Variants in PDIA6 observed in about 807,000 individuals in gnomAD.
The protein encoded by PDIA6 is protein disulfide isomerase family A member 6.
In PDIA6, 29 loss-of-function variants were observed where a neutral mutation model predicts 58.4. The observed-to-expected ratio is 0.50, with a 90% CI of 0.37 to 0.68. The LOEUF (loss-of-function observed/expected upper bound fraction) is 0.68, where lower values mean the gene tolerates loss of function less well. PDIA6 is among the 30% of genes least tolerant of loss of function. The probability of loss-of-function intolerance (pLI) is 0.00; values close to 1 mark genes in which losing one functional copy is unlikely to be tolerated. For missense variants in PDIA6, 480 were observed against 551.0 expected, an observed-to-expected ratio of 0.87 and a Z score of 1.29; for synonymous variants, 192 against 202.6, an observed-to-expected ratio of 0.95 and a Z score of 0.44.
intron 1 of PDIA6, among the ~76,000 whole-genome samples, chr2:10,821,769 C>T (rs1160955918): frequency 2.6e-5 from 4 of 151,792 alleles, no homozygotes; most frequent in South Asian, 2.1e-4. Flanking sequence ...TGACCACAGG[C>T]ACATGCTGCT....
chr2:10,834,717 C>CCTTCCTT (rs1667787530), upstream of PDIA6, among the ~76,000 whole-genome samples: 1 of 49,690 alleles, frequency 2.0e-5, no homozygotes, highest in African/African-American at 6.4e-5. Flanking sequence ...CTCCCTCCCT[C>CCTTCCTT]CCTCCCTTCC....
intron 1 of PDIA6, among the ~76,000 whole-genome samples, chr2:10,811,549 GAGTACTATTATC>G (rs1231110955): frequency 2.0e-5 from 3 of 152,306 alleles, no homozygotes; most frequent in African/African-American, 7.2e-5. Context: ...AACCCTAAGG[GAGTACTATTATC>G]AGTCCCTAAA....
chr2:10,797,298 A>C, intron 3 of PDIA6, 91 bp from the exon 4 acceptor site: 1 of 1,313,972 alleles, frequency 7.6e-7, no homozygotes, highest in South Asian at 1.4e-5. Context: ...ACTCAGAAAA[A>C]GGTAATAAAG....
At chr2:10,801,959 C>G (rs115999083) in intron 2 of PDIA6, among the ~76,000 whole-genome samples, 159 of 152,328 alleles carry the variant, frequency 1.0e-3, no homozygotes, top group Non-Finnish European at 1.6e-3. Flanking sequence ...TGCTGGTTTA[C>G]AGCAGAGACA....
chr2:10,804,119 A>G (rs1320939405), intron 1 of PDIA6, among the ~76,000 whole-genome samples: 1 of 151,796 alleles, frequency 6.6e-6, no homozygotes, highest in Non-Finnish European at 1.5e-5. Context: ...TGTGTTAGCC[A>G]GGATGGTCTC....
chr2:10,819,908 G>A (rs1213486629), intron 1 of PDIA6, among the ~76,000 whole-genome samples: 3 of 152,210 alleles, frequency 2.0e-5, no homozygotes, highest in African/African-American at 7.2e-5. Context: ...GATCCGAGAA[G>A]CCCGCCTCTG....
At chr2:10,823,660 C>G (rs1189855603) in intron 1 of PDIA6, among the ~76,000 whole-genome samples, 1 of 152,218 alleles carries the variant, frequency 6.6e-6, no homozygotes, top group African/African-American at 2.4e-5. Flanking sequence ...TTCCAAATGG[C>G]TATGTGGACT....
intron 2 of PDIA6, among the ~76,000 whole-genome samples, chr2:10,819,116 TC>T (rs57873459): frequency 0.12 from 18,630 of 152,248 alleles, 1,480 homozygotes; most frequent in Non-Finnish European, 0.18. Flanking sequence ...GTGGCATGTG[TC>T]AATTTCCTTC....
At chr2:10,828,415 G>C (rs546447515) in intron 1 of PDIA6, among the ~76,000 whole-genome samples, 4 of 152,144 alleles carry the variant, frequency 2.6e-5, no homozygotes, top group African/African-American at 4.8e-5. Context: ...GCAGAGTGTC[G>C]AGGCCATGGG....
rs942650488 is a variant in PDIA6 at position 10,819,476 on chromosome 2, A to G, written c.-47-122T>C. ...GAACCTGCTAAAACTGCTTTTGTTA[A>G]TCAACGAAAAGTTATAGTGCTGAAA... On this transcript the variant is annotated intron_variant, in intron 1 of 13. Transcript: ENST00000381611. 7.2e-5 allele frequency: 45 copies of G among 624,984 alleles called. No homozygotes were observed. The African/African-American group carries it at 7.9e-4, about 11-fold the overall frequency. 38.7% of individuals were successfully genotyped at this position (624,984 alleles called of 1,614,324 possible).
At chr2:10,789,324 A>C (rs535650226) in intron 8 of PDIA6, among the ~76,000 whole-genome samples, 46 of 148,316 alleles carry the variant, frequency 3.1e-4, no homozygotes, top group Middle Eastern at 3.4e-3. Flanking sequence ...TACACACTTG[A>C]GGCTCTGTGC....
upstream of PDIA6, among the ~76,000 whole-genome samples, chr2:10,815,865 C>T (rs558672739): frequency 3.9e-5 from 6 of 152,150 alleles, no homozygotes; most frequent in African/African-American, 1.2e-4. Flanking sequence ...TTTAAGTGTA[C>T]AATTGAGTGG....
intron 2 of PDIA6, among the ~76,000 whole-genome samples, chr2:10,818,807 G>A (rs1667297043): frequency 6.6e-6 from 1 of 152,068 alleles, no homozygotes; most frequent in South Asian, 2.1e-4. Context: ...ATAGGCGTGA[G>A]CCACCATACC....
chr2:10,804,558 T>C (rs1666653825), intron 1 of PDIA6, among the ~76,000 whole-genome samples: 1 of 128,520 alleles, frequency 7.8e-6, no homozygotes, highest in South Asian at 2.8e-4. Context: ...AGTACCATGC[T>C]GTTTTGGTTA....
rs768901473 is a variant in PDIA6 at position 10,812,714 on chromosome 2, G to T, written c.-18C>A. 6.6e-7 allele frequency: 1 copy of T among 1,514,120 alleles called. No individual in the cohort carries two copies. Among genetic ancestry groups the T allele is most frequent in the Non-Finnish European group, 8.8e-7 (1 of 1,133,906 alleles). The allele number at this position is 1,514,120 out of a possible 1,614,324, so 93.8% of individuals were successfully genotyped here. On this transcript the variant is annotated 5_prime_UTR_variant, in exon 1 of 13. Coordinates refer to ENST00000272227, the MANE Select transcript of PDIA6 (RefSeq NM_005742.4). ...AGAGCCATGCCGAGCGCCGGGCTAC[G>T]TGCAGTCCCCACCGCCGCCGCCGCT...
chr2:10,809,645 C>CAA (rs56308831), intron 1 of PDIA6, among the ~76,000 whole-genome samples: 5,509 of 64,554 alleles, frequency 0.085, 1,003 homozygotes, highest in East Asian at 0.28. Context: ...GACCCGGTCT[C>CAA]AAAAAAAAAA....
chr2:10,797,555 A>G (rs896059217), intron 3 of PDIA6, 145 bp downstream of exon 3: 12 of 633,348 alleles, frequency 1.9e-5, no homozygotes, highest in Non-Finnish European at 3.3e-5. Flanking sequence ...CAGTATTTTC[A>G]ACTCTGATAT....
Position 10,793,195 on chromosome 2 carries a change from T to C in PDIA6, c.354A>G (p.Arg118=). 6.2e-7 allele frequency: 1 copy of C among 1,611,770 alleles called. No homozygotes were observed. The highest frequency in any genetic ancestry group is 1.7e-4 in the Middle Eastern group (1 of 6,056). ...CAGCATCTACAATGGCTTCACCAGT[T>C]CTGCCACCTACAGGAGACGGAAGGT... is the stretch of plus-strand genomic sequence containing the variant. ...KNRPEDYQGG[R]TGEAIVDAAL... is the part of the protein sequence containing the mutation. The change falls in exon 5 of 13, where the codon AGA becomes AGG. Residue 118 remains arginine, a synonymous_variant. Coordinates refer to ENST00000272227, the MANE Select transcript of PDIA6 (RefSeq NM_005742.4).
chr2:10,812,576 C>T, intron 1 of PDIA6, 102 bp downstream of exon 1: 1 of 1,244,372 alleles, frequency 8.0e-7, no homozygotes, highest in South Asian at 1.7e-5. Flanking sequence ...AGGCCCACTT[C>T]CGGCCGCCTG....
Sources: allele counts gnomAD v4.1 joint callset (sites outside exome capture counted in the v4.1 genomes callset), GRCh38; gene constraint gnomAD v4.1.1; transcripts MANE v1.5; gene names NCBI Gene and HGNC (gene_info 2026-07-23, HGNC 2026-07-21).